The following PACRG variants were observed in gnomAD, a reference collection of about 807,000 sequenced individuals.
PACRG encodes parkin coregulated.
PACRG carries 29 observed loss-of-function variants against 29.7 expected under a neutral mutation model. The observed-to-expected ratio is 0.98, with a 90% CI of 0.73 to 1.33. PACRG has a LOEUF of 1.33. PACRG is among the 40% of genes most tolerant of loss of function. The probability of loss-of-function intolerance (pLI) is 0.00; values close to 1 mark genes in which losing one functional copy is unlikely to be tolerated. For missense variants in PACRG, 279 were observed against 316.2 expected, an observed-to-expected ratio of 0.88 and a Z score of 0.89; for synonymous variants, 116 against 118.7, an observed-to-expected ratio of 0.98 and a Z score of 0.15.
chr6:162,935,986 C>A (rs753173430), intron 2 of PACRG, among the ~76,000 whole-genome samples: 1 of 152,230 alleles, frequency 6.6e-6, no homozygotes, highest in South Asian at 2.1e-4. Flanking sequence ...AAGACATACC[C>A]AAGACTGGGC....
intron 1 of PACRG, among the ~76,000 whole-genome samples, chr6:162,789,130 G>C (rs1784742782): frequency 6.6e-6 from 1 of 152,030 alleles, no homozygotes. Context: ...CTTTTATTTT[G>C]TTGTAAAACT....
intron 2 of PACRG, among the ~76,000 whole-genome samples, chr6:162,880,651 C>G (rs547297011): frequency 1.8e-4 from 28 of 152,220 alleles, no homozygotes; most frequent in Admixed American, 4.6e-4. Context: ...AACAAGAATG[C>G]TTTAGAAAAG....
chr6:163,287,995 C>T (rs1246653335), intron 4 of PACRG, among the ~76,000 whole-genome samples: 1 of 152,152 alleles, frequency 6.6e-6, no homozygotes, highest in Admixed American at 6.5e-5. Flanking sequence ...ACTAGGCCTC[C>T]GGGTTCTTGC....
At chr6:162,985,503 G>C (rs1802810507) in intron 2 of PACRG, among the ~76,000 whole-genome samples, 3 of 151,902 alleles carry the variant, frequency 2.0e-5, no homozygotes, top group Non-Finnish European at 2.9e-5. Flanking sequence ...ACAAAATCCA[G>C]CATCCCTCTA....
chr6:163,309,266 T>C (rs940820076), intron 4 of PACRG, among the ~76,000 whole-genome samples: 18 of 152,364 alleles, frequency 1.2e-4, no homozygotes, highest in Non-Finnish European at 2.4e-4. Flanking sequence ...GCGGTGCGGC[T>C]GAACCACGAG....
chr6:163,124,466 A>G (rs1328795656), intron 4 of PACRG, among the ~76,000 whole-genome samples: 2 of 152,360 alleles, frequency 1.3e-5, no homozygotes, highest in South Asian at 4.1e-4. Flanking sequence ...GGAGCCAACT[A>G]TGTGACCTTG....
intron 2 of PACRG, among the ~76,000 whole-genome samples, chr6:163,054,570 CAG>C (rs2128251812): frequency 1.3e-5 from 2 of 152,298 alleles, no homozygotes; most frequent in South Asian, 4.1e-4. Context: ...CGGCTGAAGA[CAG>C]GGTTTTTTGT....
intron 3 of PACRG, among the ~76,000 whole-genome samples, chr6:163,076,128 C>T (rs1175319330): frequency 1.3e-5 from 2 of 152,268 alleles, no homozygotes; most frequent in African/African-American, 4.8e-5. Flanking sequence ...CTGTTGTCTT[C>T]CTGTGAAGAG....
At chr6:162,820,129 C>T (rs1313124663) in intron 2 of PACRG, among the ~76,000 whole-genome samples, 1 of 152,128 alleles carries the variant, frequency 6.6e-6, no homozygotes, top group Non-Finnish European at 1.5e-5. Context: ...TTCTAAAGGA[C>T]TGAAAATATA....
chr6:163,261,657 G>A (rs1478722739), intron 4 of PACRG, among the ~76,000 whole-genome samples: 1 of 152,220 alleles, frequency 6.6e-6, no homozygotes, highest in East Asian at 1.9e-4. Flanking sequence ...CTCCACATCT[G>A]TGGATTTGGC....
At chr6:162,751,654 G>A (rs1181859973) in intron 1 of PACRG, among the ~76,000 whole-genome samples, 1 of 152,068 alleles carries the variant, frequency 6.6e-6, no homozygotes, top group African/African-American at 2.4e-5. Context: ...CTACAAATAT[G>A]CTCTTCATTT....
At chr6:163,002,610 A>G in intron 2 of PACRG, among the ~76,000 whole-genome samples, 1 of 152,236 alleles carries the variant, frequency 6.6e-6, no homozygotes, top group Admixed American at 6.5e-5. Context: ...TGAATGAATC[A>G]GTTAATCATT....
intron 2 of PACRG, among the ~76,000 whole-genome samples, chr6:162,819,060 G>A (rs1405776852): frequency 6.6e-6 from 1 of 152,144 alleles, no homozygotes; most frequent in African/African-American, 2.4e-5. Flanking sequence ...GTCCAGAGTA[G>A]CAGACATGCC....
At chr6:162,984,593 C>T (rs1584937089) in intron 2 of PACRG, among the ~76,000 whole-genome samples, 2 of 152,108 alleles carry the variant, frequency 1.3e-5, no homozygotes, top group African/African-American at 4.8e-5. Flanking sequence ...GGAATCTCCA[C>T]ACTGTTTTTC....
At chr6:162,770,015 C>T (rs998672346) in intron 1 of PACRG, among the ~76,000 whole-genome samples, 2 of 151,868 alleles carry the variant, frequency 1.3e-5, no homozygotes, top group Non-Finnish European at 2.9e-5. Flanking sequence ...TTATGAGTGA[C>T]TTCAGGGCTA....
intron 4 of PACRG, among the ~76,000 whole-genome samples, chr6:163,217,205 G>T (rs1344002335): frequency 1.3e-5 from 2 of 152,136 alleles, no homozygotes; most frequent in Non-Finnish European, 2.9e-5. Flanking sequence ...AGAAGCTAGG[G>T]GTGCAGCCCG....
chr6:163,230,790 A>T (rs1782010840), intron 4 of PACRG, among the ~76,000 whole-genome samples: 1 of 63,172 alleles, frequency 1.6e-5, no homozygotes, highest in East Asian at 5.5e-4. Flanking sequence ...TTAGGGAGGG[A>T]AAAACCCGGA....
At chr6:163,203,098 A>C (rs1053076411) in intron 4 of PACRG, among the ~76,000 whole-genome samples, 1 of 152,048 alleles carries the variant, frequency 6.6e-6, no homozygotes, top group Non-Finnish European at 1.5e-5. Context: ...AATTATCCTC[A>C]CTCAAAAGCA....
chr6:163,231,124 C>T lies in PACRG; in HGVS notation c.614-83703C>T, dbSNP rs150935604. ...GATGGGGCTGCGGCTGGGAGCGGCA[C>T]CACCTTTGGGAGGCTGGCAAGGTGG... On this transcript the variant is annotated intron_variant, in intron 4 of 4. Coordinates refer to ENST00000366888, the MANE Select transcript of PACRG (RefSeq NM_001080379.2). Among the ~76,000 whole-genome samples the T allele has an allele frequency of 1.4e-4, 22 of 152,322 alleles. No individual in the cohort carries two copies. The East Asian group carries it at 3.3e-3, about 23-fold the overall frequency.
Sources: gnomAD v4.1 joint callset for allele counts (sites outside exome capture counted in the v4.1 genomes callset) on GRCh38, gnomAD v4.1.1 for gene constraint, MANE v1.5 for transcripts, NCBI Gene and HGNC (gene_info 2026-07-23, HGNC 2026-07-21) for gene names.